The following CELA2B variants were observed in gnomAD, a reference collection of about 807,000 sequenced individuals.
CELA2B encodes chymotrypsin-like elastase family member 2B.
A neutral mutation model predicts 36.5 loss-of-function variants in CELA2B; 27 were observed. The observed-to-expected ratio is 0.74, with a 90% CI of 0.55 to 1.02. The LOEUF is 1.02. Ranked by LOEUF, CELA2B falls within the 50% of genes least tolerant of loss-of-function variation. The pLI is 0.00. For synonymous variants in CELA2B, 143 were observed against 148.5 expected (o/e 0.96, Z 0.27); for missense variants, 340 against 347.8 (o/e 0.98, Z 0.18).
chr1:15,483,661 C>G (rs1396820472), intron 5 of CELA2B, among the ~76,000 whole-genome samples: 3 of 152,170 alleles, frequency 2.0e-5, no homozygotes, highest in Non-Finnish European at 4.4e-5. Context: ...GGCGCGGTGG[C>G]TCACGCCTGT....
In CELA2B at chr1:15,489,225, GTCCCAGCATCAGCTGT is replaced by G. The variant is rs879304757; in HGVS notation, c.792+1812_792+1827del. 6.6e-4 allele frequency among the ~76,000 whole-genome samples: 100 copies of G among 152,294 alleles called. 1 individual carries two copies. Among genetic ancestry groups the G allele is most frequent in the African/African-American group, 2.1e-3 (86 of 41,578 alleles). On this transcript the variant is annotated intron_variant, in intron 7 of 7. Transcript: ENST00000375910. ...GCAGGGGCAATTGTCCCGATCTGTTGTCCCAGCATCAGCTGTTCCCAGCATCAGCTGTTCCCAGCCA... is the reference window on the plus strand; with the variant it reads ...GCAGGGGCAATTGTCCCGATCTGTTGTCCCAGCATCAGCTGTTCCCAGCCA...
At chr1:15,483,130 C>T in intron 4 of CELA2B, 134 bp from the exon 5 acceptor site, 1 of 1,364,698 alleles carries the variant, frequency 7.3e-7, no homozygotes, top group South Asian at 1.4e-5. Flanking sequence ...TTCAAACATG[C>T]CCTGTGGGCC....
chr1:15,489,754 A>G (rs1314311777), intron 7 of CELA2B, among the ~76,000 whole-genome samples: 1 of 152,252 alleles, frequency 6.6e-6, no homozygotes, highest in Non-Finnish European at 1.5e-5. Flanking sequence ...TTCTTTTTCC[A>G]GAAGGTAATA....
Position 15,481,146 on chromosome 1 carries a change from G to A in CELA2B, c.178G>A (p.Gly60Arg). ...SNGQWYHTCG[G>R]SLIANSWVLT... is the part of the protein sequence containing the mutation. ...TGGCCAGTGGTACCACACCTGCGGAGGGTCCCTGATAGCCAACAGCTGGGT... is the reference window on the plus strand; with the variant it reads ...TGGCCAGTGGTACCACACCTGCGGAAGGTCCCTGATAGCCAACAGCTGGGT... Residue 60 changes from glycine to arginine, a missense_variant, in exon 3 of 8, where the codon GGG becomes AGG. Transcript: ENST00000375910. 6.2e-7 allele frequency: 1 copy of A among 1,613,758 alleles called. No individual in the cohort carries two copies. The highest frequency in any genetic ancestry group is 1.1e-5 in the South Asian group (1 of 91,052).
At chr1:15,479,135 T>C (rs1304001019) in intron 2 of CELA2B, among the ~76,000 whole-genome samples, 2 of 151,892 alleles carry the variant, frequency 1.3e-5, no homozygotes, top group African/African-American at 4.8e-5. Flanking sequence ...GGTGGGGGAG[T>C]AGATACTTTT....
chr1:15,479,765 G>C (rs778238893), intron 2 of CELA2B, among the ~76,000 whole-genome samples: 1 of 152,162 alleles, frequency 6.6e-6, no homozygotes, highest in Non-Finnish European at 1.5e-5. Flanking sequence ...AGGCAACCTT[G>C]AGCAGAGACT....
Position 15,485,925 on chromosome 1 carries a change from T to C in CELA2B, c.518T>C (p.Leu173Pro), listed in dbSNP as rs774420011. The change falls in exon 6 of 8, where the codon CTG (leucine) becomes CCG (proline). Residue 173 changes from leucine (L) to proline (P), a missense_variant. By Grantham distance (98) the Leu-to-Pro change is moderately conservative (BLOSUM62 -3). Transcript: ENST00000375910. The part of the protein sequence containing the change: ...LQTNGALPDD[L>P]KQGQLLVVDY... ...GCCAACGGGGCTCTCCCTGATGACC[T>C]GAAGCAGGGCCAGTTGCTGGTTGTG... 3.7e-6 allele frequency: 6 copies of C among 1,614,082 alleles called. No individual in the cohort carries two copies. The highest frequency in any genetic ancestry group is 5.1e-6 in the Non-Finnish European group (6 of 1,180,044).
At chr1:15,485,088 G>T (rs1708788841) in intron 5 of CELA2B, among the ~76,000 whole-genome samples, 1 of 152,068 alleles carries the variant, frequency 6.6e-6, no homozygotes, top group African/African-American at 2.4e-5. Context: ...TAGAGACGGG[G>T]TTTCACCATG....
At chr1:15,489,047 C>T (rs992338483) in intron 7 of CELA2B, among the ~76,000 whole-genome samples, 1 of 152,216 alleles carries the variant, frequency 6.6e-6, no homozygotes, top group Non-Finnish European at 1.5e-5. Context: ...GGAGGCACCA[C>T]GCACGTCAAA....
intron 2 of CELA2B, among the ~76,000 whole-genome samples, chr1:15,480,070 G>T (rs1410868155): frequency 2.0e-5 from 3 of 152,164 alleles, no homozygotes; most frequent in Non-Finnish European, 4.4e-5. Flanking sequence ...GATCAGTCTG[G>T]CTGCTGTGTT....
At chr1:15,489,198 G>C (rs1057376730) in intron 7 of CELA2B, among the ~76,000 whole-genome samples, 8 of 152,086 alleles carry the variant, frequency 5.3e-5, no homozygotes, top group Non-Finnish European at 8.8e-5. Flanking sequence ...CCTGAAGCAG[G>C]GGCAGGGGCA....
At position 15,491,372 on chromosome 1, in the gene CELA2B, T is replaced by C. The variant is rs758156219; in HGVS notation, c.*60T>C. ...AAAGGTCACAGAAGGAAAATAATAT[T>C]ATATAAAGTGACAACTATGCAAATC... is the stretch of plus-strand genomic sequence containing the variant. On this transcript the variant is annotated 3_prime_UTR_variant, in exon 8 of 8. Coordinates refer to ENST00000375910, the MANE Select transcript of CELA2B (RefSeq NM_015849.3). 1.2e-4 allele frequency: 195 copies of C among 1,586,410 alleles called. No individual in the cohort carries two copies. Among genetic ancestry groups the C allele is most frequent in the Non-Finnish European group, 1.6e-4 (190 of 1,155,128 alleles).
At chr1:15,477,349 G>A (rs781578231) in intron 2 of CELA2B, among the ~76,000 whole-genome samples, 3 of 152,166 alleles carry the variant, frequency 2.0e-5, no homozygotes, top group Non-Finnish European at 2.9e-5. Context: ...TTACTAAGAC[G>A]TGTTAACGGT....
At chr1:15,477,501 T>C (rs1249703793) in intron 2 of CELA2B, among the ~76,000 whole-genome samples, 1 of 152,310 alleles carries the variant, frequency 6.6e-6, no homozygotes, top group African/African-American at 2.4e-5. Context: ...CTGTAAACAT[T>C]TTATTTTAGA....
At chr1:15,483,456 C>G in intron 5 of CELA2B, 56 bp downstream of exon 5, 1 of 1,611,932 alleles carries the variant, frequency 6.2e-7, no homozygotes, top group South Asian at 1.1e-5. Context: ...GATGTCACCC[C>G]TGTCCGGCCA....
intron 2 of CELA2B, among the ~76,000 whole-genome samples, 171 bp downstream of exon 2, chr1:15,476,716 C>T (rs1708676697): frequency 6.6e-6 from 1 of 152,210 alleles, no homozygotes; most frequent in Non-Finnish European, 1.5e-5. Flanking sequence ...GGCACAGTGG[C>T]TCATGCCTGT....
intron 6 of CELA2B, 48 bp downstream of exon 6, chr1:15,486,094 G>A: frequency 6.3e-7 from 1 of 1,597,764 alleles, no homozygotes; most frequent in Non-Finnish European, 8.6e-7. Context: ...AATGTGGCTG[G>A]GGATGGGAAG....
In CELA2B at chr1:15,482,333, C is replaced by T. The variant is rs1486811319; in HGVS notation, c.296C>T (p.Ala99Val). Reference protein sequence around the residue: ...NLYVAESGSLAVSVSKIVVHK... With the variant: ...NLYVAESGSLVVSVSKIVVHK... Reference sequence around the variant, plus strand: ...TACGTTGCAGAGTCCGGCTCGCTGGCCGTCAGTGTCTCTAAGATTGTGGTG... The same window carrying T: ...TACGTTGCAGAGTCCGGCTCGCTGGTCGTCAGTGTCTCTAAGATTGTGGTG... Residue 99 changes from alanine (A) to valine (V), a missense_variant, in exon 4 of 8, where the codon GCC becomes GTC. By Grantham distance (64) the Ala-to-Val change is moderately conservative (BLOSUM62 0). Transcript: ENST00000375910. 3.1e-6 allele frequency: 5 copies of T among 1,614,106 alleles called. No individual in the cohort carries two copies. The South Asian group carries it at 5.5e-5, about 18-fold the overall frequency.
In CELA2B at chr1:15,479,749, T is replaced by C. The variant is rs144466207; in HGVS notation, c.130-1349T>C. On this transcript the variant is annotated intron_variant, in intron 2 of 7. Coordinates refer to ENST00000375910, the MANE Select transcript of CELA2B (RefSeq NM_015849.3). ...GATAGCGTGGTCACAGAAGGCCTCATGGAGAAGGCAACCTTGAGCAGAGAC... is the reference window on the plus strand; with the variant it reads ...GATAGCGTGGTCACAGAAGGCCTCACGGAGAAGGCAACCTTGAGCAGAGAC... Among the ~76,000 whole-genome samples, 200 of 152,246 alleles carry C rather than the reference T, an allele frequency of 1.3e-3. 4 individuals are homozygous for C. The East Asian group carries it at 0.035, about 27-fold the overall frequency.
Sources: gnomAD v4.1 joint callset for allele counts (sites outside exome capture counted in the v4.1 genomes callset) on GRCh38, gnomAD v4.1.1 for gene constraint, MANE v1.5 for transcripts, NCBI Gene and HGNC (gene_info 2026-07-23, HGNC 2026-07-21) for gene names.